KAZN: variants seen among roughly 807,000 people sequenced by gnomAD.
KAZN encodes kazrin.
A neutral mutation model predicts 87.4 loss-of-function variants in KAZN; 40 were observed. The observed-to-expected ratio is 0.46, with a 90% CI of 0.36 to 0.60. The LOEUF (loss-of-function observed/expected upper bound fraction) is 0.60. KAZN is among the 20% of genes least tolerant of loss of function. The pLI is 0.00. For synonymous variants in KAZN, 466 were observed against 458.3 expected (o/e 1.02, Z -0.22); for missense variants, 898 against 1,073.9 (o/e 0.84, Z 2.29).
At chr1:14,874,737 A>G (rs1652565958) in intron 1 of KAZN, among the ~76,000 whole-genome samples, 1 of 152,142 alleles carries the variant, frequency 6.6e-6, no homozygotes, top group African/African-American at 2.4e-5. Context: ...CTATAAGATG[A>G]GAATCTTGAC....
chr1:14,140,318 A>G (rs1645208782), intron 1 of KAZN, among the ~76,000 whole-genome samples: 1 of 152,140 alleles, frequency 6.6e-6, no homozygotes, highest in African/African-American at 2.4e-5. Context: ...GGCTATGAGG[A>G]TTAAATGAGA....
intron 1 of KAZN, among the ~76,000 whole-genome samples, chr1:14,788,338 G>T (rs1289929848): frequency 1.3e-5 from 2 of 152,182 alleles, no homozygotes; most frequent in Non-Finnish European, 2.9e-5. Flanking sequence ...GATGGAAAAA[G>T]ATGGTTGGGA....
chr1:13,905,339 G>A (rs1203707), intron 1 of KAZN, among the ~76,000 whole-genome samples: 120,064 of 152,192 alleles, frequency 0.79, 48,235 homozygotes, highest in African/African-American at 0.95. Context: ...TCTGTGAGAT[G>A]TTATTACCGT....
chr1:14,263,930 T>C (rs1368552356), intron 2 of KAZN, among the ~76,000 whole-genome samples: 1 of 152,228 alleles, frequency 6.6e-6, no homozygotes, highest in Admixed American at 6.5e-5. Context: ...CTTCTGGCCA[T>C]CTGACTGGTG....
intron 1 of KAZN, chr1:13,893,865 C>T (rs762024728): frequency 3.9e-6 from 5 of 1,287,756 alleles, no homozygotes; most frequent in East Asian, 2.6e-5. Context: ...CAGTCTACCT[C>T]ATCTCTTTCT....
At chr1:14,603,728 C>T (rs933570298) in intron 1 of KAZN, among the ~76,000 whole-genome samples, 2 of 152,178 alleles carry the variant, frequency 1.3e-5, no homozygotes, top group African/African-American at 2.4e-5. Flanking sequence ...GGCCCTCTCT[C>T]CATCCCTTTA....
chr1:14,984,120 A>G (rs991883531), intron 2 of KAZN, among the ~76,000 whole-genome samples: 5 of 152,022 alleles, frequency 3.3e-5, no homozygotes, highest in African/African-American at 9.7e-5. Flanking sequence ...TAATCCAAGC[A>G]CTTTGGGAGG....
chr1:14,458,643 C>A (rs755739403), intron 2 of KAZN, among the ~76,000 whole-genome samples: 1 of 152,140 alleles, frequency 6.6e-6, no homozygotes, highest in Non-Finnish European at 1.5e-5. Context: ...GGCTCATAAT[C>A]TTTCTAAAAA....
intron 1 of KAZN, among the ~76,000 whole-genome samples, chr1:13,985,202 A>AT (rs1395685307): frequency 2.0e-5 from 3 of 151,990 alleles, no homozygotes; most frequent in South Asian, 2.1e-4. Context: ...ATAAAGCTGA[A>AT]TTTTTTTAAA....
chr1:14,041,092 T>C (rs920428658), intron 1 of KAZN, among the ~76,000 whole-genome samples: 2 of 152,210 alleles, frequency 1.3e-5, no homozygotes, highest in Admixed American at 1.3e-4. Flanking sequence ...CACCGCTGAA[T>C]TCTTTTAGCT....
intron 1 of KAZN, among the ~76,000 whole-genome samples, chr1:14,032,714 G>T (rs1216092435): frequency 6.6e-6 from 1 of 152,132 alleles, no homozygotes; most frequent in African/African-American, 2.4e-5. Context: ...ATGCCTTCAA[G>T]GGTGTATTCT....
At chr1:14,084,831 T>C (rs929688399) in intron 1 of KAZN, among the ~76,000 whole-genome samples, 1 of 152,120 alleles carries the variant, frequency 6.6e-6, no homozygotes, top group African/African-American at 2.4e-5. Flanking sequence ...TATAGATATG[T>C]AACAAACCTG....
chr1:14,769,645 T>A lies in KAZN; in HGVS notation c.226+170422T>A, dbSNP rs552710627. On this transcript the variant is annotated intron_variant, in intron 1 of 14. Transcript: ENST00000376030. The surrounding 1 kb of genome is among the most constrained non-coding windows in gnomAD (Gnocchi z 4.1). ...CTGGGATTACAGGCGTGAGCCACCGTGCCCGGCCTGCCCTTCCAGGTCTTA... is the reference window on the plus strand; with the variant it reads ...CTGGGATTACAGGCGTGAGCCACCGAGCCCGGCCTGCCCTTCCAGGTCTTA... 2.6e-5 allele frequency among the ~76,000 whole-genome samples: 4 copies of A among 152,316 alleles called. No individual in the cohort carries two copies. In the South Asian group the frequency reaches 6.2e-4, roughly 24 times the overall value.
At chr1:13,952,358 A>G (rs990776223) in intron 1 of KAZN, among the ~76,000 whole-genome samples, 143 of 148,368 alleles carry the variant, frequency 9.6e-4, no homozygotes, top group African/African-American at 2.4e-3. Context: ...TAATAATAAT[A>G]ATAATAATAA....
intron 2 of KAZN, among the ~76,000 whole-genome samples, chr1:14,397,427 T>A (rs1662993273): frequency 6.6e-6 from 1 of 152,164 alleles, no homozygotes; most frequent in Non-Finnish European, 1.5e-5. Context: ...ACCATTAGCA[T>A]CTTGGGAGTT....
intron 1 of KAZN, among the ~76,000 whole-genome samples, chr1:14,958,978 A>G (rs1016266366): frequency 3.3e-5 from 5 of 152,214 alleles, no homozygotes; most frequent in African/African-American, 1.2e-4. Flanking sequence ...GGATGCGGCC[A>G]TGGACAAAAC....
intron 8 of KAZN, among the ~76,000 whole-genome samples, chr1:15,085,036 C>G (rs760797438): frequency 1.3e-5 from 2 of 151,592 alleles, no homozygotes; most frequent in Non-Finnish European, 2.9e-5. Context: ...ACAGATAAAA[C>G]GTTTTAGAAA....
At chr1:14,220,834 A>AT (rs1433264656) in intron 2 of KAZN, among the ~76,000 whole-genome samples, 1 of 152,200 alleles carries the variant, frequency 6.6e-6, no homozygotes, top group Non-Finnish European at 1.5e-5. Context: ...TTGTCAGGTT[A>AT]TTTTTTTCTG....
Position 14,976,510 on chromosome 1 carries a change from G to T in KAZN, c.418+15635G>T, listed in dbSNP as rs184295295. Among the ~76,000 whole-genome samples the T allele has an allele frequency of 2.4e-3, 362 of 152,330 alleles. 3 individuals are homozygous for T. Among genetic ancestry groups the T allele is most frequent in the African/African-American group, 8.2e-3 (341 of 41,578 alleles). On this transcript the variant is annotated intron_variant, in intron 2 of 14. Coordinates refer to ENST00000376030, the MANE Select transcript of KAZN (RefSeq NM_201628.3). Reference sequence around the variant, plus strand: ...ACATGGTTCAGACTCAGGCCCTTCCGGCAGAGCACATTGCCCGAGGGAAGA... The same window carrying T: ...ACATGGTTCAGACTCAGGCCCTTCCTGCAGAGCACATTGCCCGAGGGAAGA...
Sources: allele counts gnomAD v4.1 joint callset (sites outside exome capture counted in the v4.1 genomes callset), GRCh38; gene constraint gnomAD v4.1.1; non-coding constraint Gnocchi (gnomAD v3.1); transcripts MANE v1.5; gene names NCBI Gene and HGNC (gene_info 2026-07-23, HGNC 2026-07-21).